Variants in CCDC60 observed in about 807,000 individuals in gnomAD.
The protein encoded by CCDC60 is coiled-coil domain containing 60.
In CCDC60, 54 loss-of-function variants were observed where a neutral mutation model predicts 63.5. The ratio of observed to expected loss-of-function variants is 0.85; its 90% CI spans 0.68 to 1.07. The LOEUF (loss-of-function observed/expected upper bound fraction) is 1.07, where lower values mean the gene tolerates loss of function less well. CCDC60 is among the 50% of genes least tolerant of loss of function. The pLI is 0.00. For synonymous variants in CCDC60, 206 were observed against 238.8 expected (o/e 0.86, Z 1.27); for missense variants, 651 against 684.3 (o/e 0.95, Z 0.54).
chr12:119,523,132 C>A, intron 10 of CCDC60, 131 bp downstream of exon 10: 1 of 837,158 alleles, frequency 1.2e-6, no homozygotes, highest in Non-Finnish European at 2.0e-6. Context: ...TGCTGAAGGA[C>A]AAGGGATCCC....
chr12:119,510,833 T>G (rs1326521812), intron 7 of CCDC60, among the ~76,000 whole-genome samples: 1 of 152,090 alleles, frequency 6.6e-6, no homozygotes, highest in Non-Finnish European at 1.5e-5. Flanking sequence ...CCCAGCTGAG[T>G]TTAAGCAATC....
At chr12:119,480,056 G>A (rs964660041) in intron 4 of CCDC60, among the ~76,000 whole-genome samples, 7 of 148,190 alleles carry the variant, frequency 4.7e-5, no homozygotes, top group African/African-American at 1.7e-4. Context: ...TCCACATTGA[G>A]AACCACTGCT....
chr12:119,473,185 G>A (rs1231517343), intron 3 of CCDC60, among the ~76,000 whole-genome samples: 1 of 152,110 alleles, frequency 6.6e-6, no homozygotes, highest in African/African-American at 2.4e-5. Context: ...AAAATCCATC[G>A]ACTGCACCAT....
intron 1 of CCDC60, among the ~76,000 whole-genome samples, chr12:119,361,098 T>A (rs1400006446): frequency 6.7e-6 from 1 of 150,268 alleles, no homozygotes; most frequent in Non-Finnish European, 1.5e-5. Flanking sequence ...ATAGTCCAGC[T>A]TCGGCTTGGC....
chr12:119,534,268 A>G (rs968064974), intron 13 of CCDC60, among the ~76,000 whole-genome samples: 2 of 152,152 alleles, frequency 1.3e-5, no homozygotes, highest in Admixed American at 6.5e-5. Context: ...TTGATTTTGT[A>G]TCTTGAGACT....
In CCDC60 at chr12:119,456,060, A is replaced by AAAGCAAGCAAGCAAGCAAGCAAGC. The variant is rs77318681; in HGVS notation, c.171-15921_171-15920insAGCAAGCAAGCAAGCAAGCAAGCA. Among the ~76,000 whole-genome samples, 304 of 118,850 alleles carry AAAGCAAGCAAGCAAGCAAGCAAGC rather than the reference A, an allele frequency of 2.6e-3. 10 individuals are homozygous for AAAGCAAGCAAGCAAGCAAGCAAGC. The highest frequency in any genetic ancestry group is 0.013 in the Admixed American group (149 of 11,402). The allele number at this position is 118,850 out of a possible 152,430, so 78.0% of individuals were successfully genotyped here. A position where few individuals can be genotyped will look rare whatever the true frequency, so the allele number is the denominator to read the frequency against. ...GAAAGAAAGAAAGAAAGAAAGAAAGAAAGCAAGCAAGCATGTGCAATTTCA... is the reference window on the plus strand; with the variant it reads ...GAAAGAAAGAAAGAAAGAAAGAAAGAAAGCAAGCAAGCAAGCAAGCAAGCAAGCAAGCAAGCATGTGCAATTTCA... On this transcript the variant is annotated intron_variant, in intron 2 of 13. Transcript: ENST00000327554. The surrounding 1 kb of genome is among the most constrained non-coding windows in gnomAD (Gnocchi z 4.6).
chr12:119,397,316 A>G (rs906219168), intron 1 of CCDC60, among the ~76,000 whole-genome samples: 1 of 152,142 alleles, frequency 6.6e-6, no homozygotes, highest in Non-Finnish European at 1.5e-5. Flanking sequence ...TTATTCCCTT[A>G]TCTGGCCCTA....
intron 7 of CCDC60, among the ~76,000 whole-genome samples, chr12:119,507,617 T>A (rs1191125047): frequency 4.9e-5 from 5 of 101,726 alleles, no homozygotes; most frequent in Non-Finnish European, 5.4e-5. Flanking sequence ...TATATATATT[T>A]TTTTTTTTTT....
At chr12:119,466,034 G>T (rs1950948162) in intron 2 of CCDC60, among the ~76,000 whole-genome samples, 1 of 152,286 alleles carries the variant, frequency 6.6e-6, no homozygotes, top group South Asian at 2.1e-4. Flanking sequence ...AATCGTACTT[G>T]CTCAGAGCCT....
chr12:119,358,036 T>C (rs1005591160), intron 1 of CCDC60, among the ~76,000 whole-genome samples: 2 of 152,112 alleles, frequency 1.3e-5, no homozygotes, highest in Admixed American at 6.5e-5. Context: ...AGCTACACAC[T>C]TTTAAACAAC....
intron 11 of CCDC60, chr12:119,524,280 G>A (rs1716458): frequency 0.33 from 56,393 of 172,846 alleles, 9,529 homozygotes; most frequent in African/African-American, 0.44. Context: ...GCTGCATCAC[G>A]CAAGCCACAA....
chr12:119,538,537 C>T (rs538217006), intron 13 of CCDC60, among the ~76,000 whole-genome samples: 27 of 152,214 alleles, frequency 1.8e-4, no homozygotes, highest in Non-Finnish European at 3.2e-4. Flanking sequence ...TGTTCCTATT[C>T]GGCCATCTTG....
chr12:119,533,723 G>C (rs1453845839), intron 13 of CCDC60, among the ~76,000 whole-genome samples: 1 of 152,140 alleles, frequency 6.6e-6, no homozygotes, highest in Non-Finnish European at 1.5e-5. Flanking sequence ...AAGATCAGAT[G>C]GTTGTAGATG....
intron 4 of CCDC60, among the ~76,000 whole-genome samples, chr12:119,487,350 T>G (rs1198633082): frequency 2.7e-5 from 4 of 149,876 alleles, no homozygotes; most frequent in Non-Finnish European, 4.4e-5. Context: ...CAGGCTGGAG[T>G]GCAGTGGCAT....
intron 1 of CCDC60, among the ~76,000 whole-genome samples, chr12:119,381,970 G>A (rs774754397): frequency 3.3e-4 from 50 of 152,196 alleles, no homozygotes; most frequent in Non-Finnish European, 5.7e-4. Context: ...AAGCAGGCTG[G>A]CTCTTTGCAG....
chr12:119,412,816 G>C (rs745834306), intron 1 of CCDC60, among the ~76,000 whole-genome samples: 12 of 128,832 alleles, frequency 9.3e-5, no homozygotes, highest in Non-Finnish European at 1.8e-4. Context: ...TGATGCTGCT[G>C]TTCCTTACTG....
intron 1 of CCDC60, among the ~76,000 whole-genome samples, chr12:119,346,774 CTCTTTCTTTCTT>C (rs61270891): frequency 0.092 from 11,590 of 125,300 alleles, 687 homozygotes; most frequent in South Asian, 0.21. Context: ...ACTCATCTTT[CTCTTTCTTTCTT>C]TCTTTCTTTC....
intron 1 of CCDC60, among the ~76,000 whole-genome samples, chr12:119,396,292 A>G (rs1321459783): frequency 1.3e-5 from 2 of 152,210 alleles, no homozygotes; most frequent in Admixed American, 6.5e-5. Context: ...GGCCTAAGTT[A>G]GTATGACTTT....
rs551337105 is a variant in CCDC60 at position 119,411,305 on chromosome 12, C to A, written c.91-17378C>A. On this transcript the variant is annotated intron_variant, in intron 1 of 13. Transcript: ENST00000327554. The stretch of plus-strand genomic sequence containing the variant: ...GGACCAGAAACATGTCACATAGAAC[C>A]ATCAGGATGGAAGGGAGGAGGCCAG... Among the ~76,000 whole-genome samples the A allele has an allele frequency of 5.9e-5, 9 of 152,174 alleles. No individual in the cohort carries two copies. The South Asian group carries it at 1.9e-3, about 32-fold the overall frequency.
Sources: gnomAD v4.1 joint callset for allele counts (sites outside exome capture counted in the v4.1 genomes callset) on GRCh38, gnomAD v4.1.1 for gene constraint, Gnocchi (gnomAD v3.1) non-coding constraint, MANE v1.5 for transcripts, NCBI Gene and HGNC (gene_info 2026-07-23, HGNC 2026-07-21) for gene names.